Variants in FCHSD2 observed in about 807,000 individuals in gnomAD.
FCHSD2 encodes the protein F-BAR and double SH3 domains protein 2.
Under a neutral mutation model 108.1 loss-of-function variants are expected in FCHSD2, and 38 were observed. The observed-to-expected ratio is 0.35, with a 90% CI of 0.27 to 0.46. The LOEUF is 0.46. Among genes scored for constraint, FCHSD2 ranks in the 20% least tolerant of loss-of-function variants. The probability of loss-of-function intolerance (pLI) is 1.00; values close to 1 mark genes in which losing one functional copy is unlikely to be tolerated. For missense variants in FCHSD2, 751 were observed against 897.8 expected (o/e 0.84, Z 2.09); for synonymous variants, 279 against 314.7 (o/e 0.89, Z 1.20).
intron 3 of FCHSD2, among the ~76,000 whole-genome samples, chr11:73,044,472 C>T (rs1858710617): frequency 6.6e-6 from 1 of 152,078 alleles, no homozygotes; most frequent in African/African-American, 2.4e-5. Context: ...CCTAGCTACT[C>T]AGGAGGCTGA....
intron 10 of FCHSD2, among the ~76,000 whole-genome samples, chr11:72,898,220 A>G (rs1003103073): frequency 6.6e-6 from 1 of 152,196 alleles, no homozygotes; most frequent in Non-Finnish European, 1.5e-5. Context: ...GTAGTTTGAA[A>G]TGGGTTATAT....
At chr11:73,104,812 C>A (rs948233917) in intron 2 of FCHSD2, among the ~76,000 whole-genome samples, 5 of 152,318 alleles carry the variant, frequency 3.3e-5, no homozygotes, top group African/African-American at 1.2e-4. Flanking sequence ...AGTGATCCGG[C>A]CTCCCAAAGT....
At chr11:72,964,261 T>C (rs903814042) in intron 8 of FCHSD2, among the ~76,000 whole-genome samples, 1 of 152,250 alleles carries the variant, frequency 6.6e-6, no homozygotes, top group African/African-American at 2.4e-5. Flanking sequence ...AACTGGTTGA[T>C]GGTTCCAATC....
intron 14 of FCHSD2, among the ~76,000 whole-genome samples, chr11:72,844,811 A>AG (rs1182684971): frequency 3.3e-5 from 5 of 152,318 alleles, no homozygotes; most frequent in Middle Eastern, 3.4e-3. Context: ...GTCATTTTCA[A>AG]GATCAATTTC....
intron 2 of FCHSD2, among the ~76,000 whole-genome samples, chr11:73,107,862 G>C (rs1860382096): frequency 6.6e-6 from 1 of 152,150 alleles, no homozygotes; most frequent in African/African-American, 2.4e-5. Flanking sequence ...TGGACACTCA[G>C]GTTGCTTCCA....
chr11:73,056,733 G>A (rs952667677), intron 3 of FCHSD2, among the ~76,000 whole-genome samples: 6 of 152,272 alleles, frequency 3.9e-5, no homozygotes, highest in South Asian at 4.1e-4. Flanking sequence ...CTACAGGAGA[G>A]CACATGAGAG....
chr11:72,978,899 C>T (rs902459681), intron 8 of FCHSD2, among the ~76,000 whole-genome samples: 3 of 149,510 alleles, frequency 2.0e-5, no homozygotes, highest in Admixed American at 1.3e-4. Flanking sequence ...CTCTGTCACC[C>T]AGGCTGGAGT....
chr11:72,878,336 T>C (rs1315094964), intron 12 of FCHSD2, among the ~76,000 whole-genome samples: 1 of 152,146 alleles, frequency 6.6e-6, no homozygotes, highest in African/African-American at 2.4e-5. Flanking sequence ...ATTGGAAATA[T>C]CAACATGAAC....
chr11:72,984,031 TAA>T, intron 8 of FCHSD2, 55 bp downstream of exon 8: 1 of 1,443,268 alleles, frequency 6.9e-7, no homozygotes, highest in Non-Finnish European at 9.6e-7. Context: ...ACACCCAACT[TAA>T]GTTGTTTTTG....
At chr11:73,102,840 T>C (rs377136825) in intron 2 of FCHSD2, among the ~76,000 whole-genome samples, 17 of 152,212 alleles carry the variant, frequency 1.1e-4, no homozygotes, top group African/African-American at 3.6e-4. Flanking sequence ...AATTATCCAG[T>C]CTCAGGTATT....
chr11:73,139,244 C>G (rs1258074171), intron 2 of FCHSD2, among the ~76,000 whole-genome samples: 2 of 152,176 alleles, frequency 1.3e-5, no homozygotes, highest in African/African-American at 4.8e-5. Context: ...CACCAGAAAA[C>G]TAGGTAACTG....
intron 2 of FCHSD2, among the ~76,000 whole-genome samples, chr11:73,132,447 C>T (rs1204748779): frequency 6.6e-6 from 1 of 152,184 alleles, no homozygotes; most frequent in Non-Finnish European, 1.5e-5. Context: ...TAATAAGCAG[C>T]AGAGCTGGGT....
chr11:72,979,135 G>C (rs1296018281), intron 8 of FCHSD2, among the ~76,000 whole-genome samples: 2 of 151,952 alleles, frequency 1.3e-5, no homozygotes, highest in African/African-American at 2.4e-5. Flanking sequence ...TGGGATTATG[G>C]GTGTAAGTCA....
At chr11:72,876,093 G>A (rs1854963853) in intron 12 of FCHSD2, among the ~76,000 whole-genome samples, 2 of 152,216 alleles carry the variant, frequency 1.3e-5, no homozygotes, top group South Asian at 2.1e-4. Flanking sequence ...GCTGATGTGG[G>A]AGGATTGCTG....
In FCHSD2 at chr11:73,045,312, T is replaced by C. The variant is rs375894869; in HGVS notation, c.166-29427A>G. On this transcript the variant is annotated intron_variant, in intron 3 of 19. Transcript: ENST00000409418. Reference sequence around the variant, plus strand: ...TGGAGAAATAGGAACACTTTTACACTGTTGGTGGGACTGTAAACTAGTTCA... The same window carrying C: ...TGGAGAAATAGGAACACTTTTACACCGTTGGTGGGACTGTAAACTAGTTCA... 1.1e-4 allele frequency among the ~76,000 whole-genome samples: 17 copies of C among 150,604 alleles called. No homozygotes were observed. In the East Asian group the frequency reaches 2.5e-3, roughly 22 times the overall value.
chr11:73,060,965 C>G (rs972193983), intron 3 of FCHSD2, among the ~76,000 whole-genome samples: 1 of 152,186 alleles, frequency 6.6e-6, no homozygotes, highest in Non-Finnish European at 1.5e-5. Flanking sequence ...GGAACAAGAA[C>G]TTATATAGAA....
chr11:73,048,062 G>T (rs1334909567), intron 3 of FCHSD2, among the ~76,000 whole-genome samples: 1 of 151,382 alleles, frequency 6.6e-6, no homozygotes, highest in Non-Finnish European at 1.5e-5. Context: ...TTCTAAAAAG[G>T]CAGGAAGTTA....
chr11:72,862,495 AAAATTATG>A (rs1172421835), intron 13 of FCHSD2, among the ~76,000 whole-genome samples: 1 of 152,250 alleles, frequency 6.6e-6, no homozygotes, highest in Non-Finnish European at 1.5e-5. Context: ...CAATAGCACC[AAAATTATG>A]AAATAGGGGT....
At chr11:73,060,886 A>T (rs1023832328) in intron 3 of FCHSD2, among the ~76,000 whole-genome samples, 4 of 152,288 alleles carry the variant, frequency 2.6e-5, no homozygotes, top group African/African-American at 9.6e-5. Flanking sequence ...CATAGCTTGA[A>T]ACCAGGCACT....
Sources: gnomAD v4.1 joint callset for allele counts (sites outside exome capture counted in the v4.1 genomes callset) on GRCh38, gnomAD v4.1.1 for gene constraint, MANE v1.5 for transcripts, NCBI Gene and HGNC (gene_info 2026-07-23, HGNC 2026-07-21) for gene names.